MACROD2: variants seen among roughly 807,000 people sequenced by gnomAD.
MACROD2 encodes the protein ADP-ribose glycohydrolase MACROD2.
Under a neutral mutation model 70.4 loss-of-function variants are expected in MACROD2, and 36 were observed. The observed-to-expected ratio is 0.51, with a 90% CI of 0.39 to 0.68. The LOEUF (loss-of-function observed/expected upper bound fraction) is 0.68. MACROD2 is among the 30% of genes least tolerant of loss of function. The pLI is 0.00. For synonymous variants in MACROD2, 172 were observed against 178.8 expected (o/e 0.96, Z 0.30); for missense variants, 496 against 538.4 (o/e 0.92, Z 0.78).
intron 5 of MACROD2, among the ~76,000 whole-genome samples, chr20:15,021,260 ACCTG>A (rs1255084437): frequency 3.3e-5 from 4 of 120,318 alleles, no homozygotes; most frequent in African/African-American, 9.5e-5. Flanking sequence ...GTATACACAC[ACCTG>A]TGTGTGTGTA....
At chr20:14,171,564 A>T (rs1186510008) in intron 3 of MACROD2, among the ~76,000 whole-genome samples, 2 of 152,174 alleles carry the variant, frequency 1.3e-5, no homozygotes, top group Non-Finnish European at 2.9e-5. Flanking sequence ...AAAGAATTTT[A>T]AAAGTTTCAT....
intron 5 of MACROD2, among the ~76,000 whole-genome samples, chr20:14,731,905 A>G (rs140756832): frequency 3.1e-4 from 47 of 152,232 alleles, no homozygotes; most frequent in Middle Eastern, 6.8e-3. Flanking sequence ...TTCTCACTAA[A>G]TTTTTTGGTT....
At chr20:14,388,404 A>G (rs2122793676) in intron 3 of MACROD2, among the ~76,000 whole-genome samples, 1 of 152,342 alleles carries the variant, frequency 6.6e-6, no homozygotes, top group Non-Finnish European at 1.5e-5. Flanking sequence ...CCACACAGTC[A>G]AAAATTCATA....
At chr20:14,867,384 G>A (rs1393985643) in intron 5 of MACROD2, among the ~76,000 whole-genome samples, 1 of 152,108 alleles carries the variant, frequency 6.6e-6, no homozygotes, top group Non-Finnish European at 1.5e-5. Context: ...TATGCCAGGT[G>A]ACATTCTCTT....
At chr20:15,967,331 GC>G (rs1473421275) in intron 12 of MACROD2, among the ~76,000 whole-genome samples, 1 of 152,076 alleles carries the variant, frequency 6.6e-6, no homozygotes, top group Non-Finnish European at 1.5e-5. Context: ...AGACATCCCA[GC>G]TAGCTACATC....
intron 5 of MACROD2, among the ~76,000 whole-genome samples, chr20:14,967,989 T>C (rs2074654248): frequency 6.6e-6 from 1 of 152,182 alleles, no homozygotes; most frequent in African/African-American, 2.4e-5. Flanking sequence ...TATAGGACAG[T>C]TATTAATATT....
intron 12 of MACROD2, among the ~76,000 whole-genome samples, chr20:15,941,887 G>C (rs1601179833): frequency 1.3e-5 from 2 of 152,056 alleles, no homozygotes; most frequent in South Asian, 4.1e-4. Flanking sequence ...TTCCAGCTTT[G>C]CTTGTTAGTG....
chr20:15,045,782 C>T (rs919745720), intron 5 of MACROD2, among the ~76,000 whole-genome samples: 1 of 122,490 alleles, frequency 8.2e-6, no homozygotes, highest in Non-Finnish European at 1.6e-5. Context: ...GGACTATCTA[C>T]ACAAATAGCT....
At chr20:14,334,933 T>C (rs1050314645) in intron 3 of MACROD2, among the ~76,000 whole-genome samples, 5 of 152,042 alleles carry the variant, frequency 3.3e-5, no homozygotes, top group Non-Finnish European at 7.4e-5. Flanking sequence ...AAAAGAGGCA[T>C]AGAAGTTAAG....
chr20:14,259,240 A>T (rs980845879), intron 3 of MACROD2, among the ~76,000 whole-genome samples: 5 of 152,076 alleles, frequency 3.3e-5, no homozygotes, highest in Non-Finnish European at 5.9e-5. Context: ...CTTTAATGTC[A>T]CCTCCCTTAA....
chr20:15,450,501 G>A (rs187089900), intron 7 of MACROD2, among the ~76,000 whole-genome samples: 7 of 151,828 alleles, frequency 4.6e-5, no homozygotes, highest in African/African-American at 7.2e-5. Flanking sequence ...ATGTACACAC[G>A]TATTATATAC....
intron 7 of MACROD2, among the ~76,000 whole-genome samples, chr20:15,434,429 C>G (rs1810435560): frequency 6.6e-6 from 1 of 152,086 alleles, no homozygotes; most frequent in African/African-American, 2.4e-5. Flanking sequence ...TGCTCAACCT[C>G]ACTAATTATC....
chr20:14,822,790 G>T (rs963418496), intron 5 of MACROD2, among the ~76,000 whole-genome samples: 1 of 151,992 alleles, frequency 6.6e-6, no homozygotes, highest in Non-Finnish European at 1.5e-5. Flanking sequence ...TCATACATCT[G>T]TGCATGTACC....
chr20:15,984,633 C>CT (rs1213224693), intron 13 of MACROD2, among the ~76,000 whole-genome samples: 1 of 69,076 alleles, frequency 1.4e-5, no homozygotes, highest in Non-Finnish European at 3.7e-5. Context: ...ATTTTGCCTC[C>CT]CCCCCCCGCC....
intron 5 of MACROD2, among the ~76,000 whole-genome samples, chr20:14,989,017 TTATG>T (rs1391070709): frequency 6.6e-6 from 1 of 152,126 alleles, no homozygotes; most frequent in East Asian, 1.9e-4. Context: ...AAAACAATGT[TTATG>T]TAAGTAATTA....
At chr20:15,938,681 C>T (rs1441576192) in intron 12 of MACROD2, among the ~76,000 whole-genome samples, 2 of 152,006 alleles carry the variant, frequency 1.3e-5, no homozygotes, top group Non-Finnish European at 2.9e-5. Context: ...TCTATGTGTT[C>T]ATGTGATAGG....
At chr20:15,279,687 A>G (rs1286005492) in intron 6 of MACROD2, among the ~76,000 whole-genome samples, 5 of 152,326 alleles carry the variant, frequency 3.3e-5, no homozygotes, top group East Asian at 1.9e-4. Flanking sequence ...GTAGTTTAGA[A>G]TTAGTTCTAT....
chr20:15,754,188 A>T (rs1261888727), intron 8 of MACROD2, among the ~76,000 whole-genome samples: 1 of 152,234 alleles, frequency 6.6e-6, no homozygotes, highest in African/African-American at 2.4e-5. Context: ...AAAGTGAAAT[A>T]GCAAAGATGT....
chr20:15,916,172 C>T (rs1370268785), intron 10 of MACROD2, among the ~76,000 whole-genome samples: 1 of 152,146 alleles, frequency 6.6e-6, no homozygotes, highest in Non-Finnish European at 1.5e-5. Flanking sequence ...TACCCCACCA[C>T]CCACCTTCCC....
Sources: allele counts gnomAD v4.1 joint callset (sites outside exome capture counted in the v4.1 genomes callset), GRCh38; gene constraint gnomAD v4.1.1; transcripts MANE v1.5; gene names NCBI Gene and HGNC (gene_info 2026-07-23, HGNC 2026-07-21).